SEMA5A: variants seen among roughly 807,000 people sequenced by gnomAD.
The protein encoded by SEMA5A is semaphorin 5A, also known as semaphorin-5A.
A neutral mutation model predicts 135.5 loss-of-function variants in SEMA5A; 55 were observed. The ratio of observed to expected loss-of-function variants is 0.41; its 90% CI spans 0.33 to 0.51. The LOEUF is 0.51. Among genes scored for constraint, SEMA5A ranks in the 20% least tolerant of loss-of-function variants. The pLI is 0.37. For synonymous variants in SEMA5A, 580 were observed against 546.5 expected (o/e 1.06, Z -0.85); for missense variants, 1,290 against 1,419.9 (o/e 0.91, Z 1.47).
chr5:9,090,076 A>T (rs554378064), intron 16 of SEMA5A, among the ~76,000 whole-genome samples: 1 of 152,320 alleles, frequency 6.6e-6, no homozygotes, highest in African/African-American at 2.4e-5. Flanking sequence ...ACTCTGTACA[A>T]GATTGTACAG....
At chr5:9,099,475 T>C (rs367745759) in intron 16 of SEMA5A, among the ~76,000 whole-genome samples, 12 of 152,270 alleles carry the variant, frequency 7.9e-5, no homozygotes, top group East Asian at 5.8e-4. Context: ...TTGGGAAATA[T>C]AAGTGAATGG....
chr5:9,090,865 T>G (rs171692), intron 16 of SEMA5A, among the ~76,000 whole-genome samples: 6,205 of 152,288 alleles, frequency 0.041, 453 homozygotes, highest in African/African-American at 0.14. Context: ...CTAAGATAGT[T>G]ACGAGAGCAT....
intron 2 of SEMA5A, among the ~76,000 whole-genome samples, chr5:9,387,656 G>A (rs549135822): frequency 6.6e-6 from 1 of 152,312 alleles, no homozygotes; most frequent in African/African-American, 2.4e-5. Flanking sequence ...CTCTTTTCTT[G>A]CTGTTGTATC....
intron 5 of SEMA5A, among the ~76,000 whole-genome samples, chr5:9,269,055 A>G (rs1342308106): frequency 3.3e-5 from 5 of 152,156 alleles, no homozygotes. Flanking sequence ...AGGCTGATAG[A>G]AATGCATCCC....
chr5:9,441,878 T>G (rs1758250162), intron 1 of SEMA5A, among the ~76,000 whole-genome samples: 1 of 151,926 alleles, frequency 6.6e-6, no homozygotes, highest in African/African-American at 2.4e-5. Flanking sequence ...GTAGGGAATG[T>G]TAACATGAGA....
intron 16 of SEMA5A, among the ~76,000 whole-genome samples, chr5:9,096,300 C>T (rs1422908923): frequency 1.3e-5 from 2 of 152,124 alleles, no homozygotes; most frequent in African/African-American, 4.8e-5. Context: ...GTTCATTCTA[C>T]ATATTTGCTA....
chr5:9,098,547 C>A (rs1290271869), intron 16 of SEMA5A, among the ~76,000 whole-genome samples: 1 of 152,122 alleles, frequency 6.6e-6, no homozygotes, highest in Non-Finnish European at 1.5e-5. Context: ...AAATAAACTT[C>A]TATTAAGACT....
intron 1 of SEMA5A, among the ~76,000 whole-genome samples, chr5:9,531,758 C>A (rs974483095): frequency 2.6e-5 from 4 of 152,184 alleles, no homozygotes; most frequent in African/African-American, 7.2e-5. Context: ...TACACACTGT[C>A]TTCCCAGGGC....
chr5:9,108,329 C>T lies in SEMA5A; in HGVS notation c.1926-42G>A, dbSNP rs779893485. The T allele has an allele frequency of 1.0e-5, 16 of 1,602,616 alleles. No homozygotes were observed. In the African/African-American group the frequency reaches 1.9e-4, roughly 19 times the overall value. On this transcript the variant is annotated intron_variant, in intron 15 of 22. Transcript: ENST00000382496. ...AAAATGACAAGGAAACTAATTAGTG[C>T]CACTTGAAACCACTGACGTTTCCAT...
chr5:9,281,322 C>G (rs1423555328), intron 5 of SEMA5A, among the ~76,000 whole-genome samples: 3 of 152,160 alleles, frequency 2.0e-5, no homozygotes, highest in Non-Finnish European at 4.4e-5. Context: ...AAAATGTTTT[C>G]CCTATAATTT....
chr5:9,440,648 G>T (rs1328072647), intron 1 of SEMA5A, among the ~76,000 whole-genome samples: 2 of 152,178 alleles, frequency 1.3e-5, no homozygotes, highest in Non-Finnish European at 2.9e-5. Flanking sequence ...TCTTCAAATT[G>T]TCTCTAGATG....
At chr5:9,278,079 G>T (rs998331729) in intron 5 of SEMA5A, among the ~76,000 whole-genome samples, 1 of 150,296 alleles carries the variant, frequency 6.7e-6, no homozygotes, top group Admixed American at 6.6e-5. Flanking sequence ...AAAATCAGCC[G>T]TATTTACTAA....
chr5:9,108,084 G>A, intron 16 of SEMA5A, 56 bp downstream of exon 16: 1 of 1,579,728 alleles, frequency 6.3e-7, no homozygotes, highest in Non-Finnish European at 8.6e-7. Flanking sequence ...TGTGTGTATT[G>A]AGTCTGTATT....
At position 9,044,543 on chromosome 5, in the gene SEMA5A, A is replaced by C; in HGVS notation, c.2935T>G (p.Ser979Ala). 2 of 1,614,022 alleles carry C rather than the reference A, an allele frequency of 1.2e-6. No homozygotes were observed. Among genetic ancestry groups the C allele is most frequent in the Non-Finnish European group, 1.7e-6 (2 of 1,180,018 alleles). The change falls in exon 22 of 23, where the codon TCC becomes GCC. Residue 979 changes from serine to alanine, a missense_variant. Physicochemically the swap from Ser to Ala is moderately conservative, Grantham distance 99. Coordinates refer to ENST00000382496, the MANE Select transcript of SEMA5A (RefSeq NM_003966.3). The part of the protein sequence containing the change: ...FHMIAVGLSS[S>A]ILGCLLTLLV... ...AGGGTGAGGAGGCAGCCGAGGATGGAGCTGCTCAGCCCCACGGCGATCATG... is the reference window on the plus strand; with the variant it reads ...AGGGTGAGGAGGCAGCCGAGGATGGCGCTGCTCAGCCCCACGGCGATCATG...
chr5:9,053,936 A>T, intron 19 of SEMA5A, 151 bp downstream of exon 19: 1 of 771,402 alleles, frequency 1.3e-6, no homozygotes, highest in Non-Finnish European at 2.0e-6. Context: ...GCTATGTTTT[A>T]AAGTCACTTC....
At chr5:9,338,255 C>T (rs1344157211) in intron 3 of SEMA5A, among the ~76,000 whole-genome samples, 2 of 152,176 alleles carry the variant, frequency 1.3e-5, no homozygotes, top group East Asian at 1.9e-4. Context: ...GCATCATTTG[C>T]CTTCTTTCAA....
At chr5:9,133,386 C>G (rs1741545680) in intron 13 of SEMA5A, among the ~76,000 whole-genome samples, 1 of 152,080 alleles carries the variant, frequency 6.6e-6, no homozygotes, top group South Asian at 2.1e-4. Flanking sequence ...GTGTTTTGTG[C>G]AAAATGACAT....
chr5:9,431,827 G>A (rs1757866321), intron 2 of SEMA5A, among the ~76,000 whole-genome samples: 1 of 152,150 alleles, frequency 6.6e-6, no homozygotes, highest in African/African-American at 2.4e-5. Context: ...GGGTGTCTGA[G>A]AATAAACAGC....
At chr5:9,287,874 A>G (rs557692018) in intron 5 of SEMA5A, among the ~76,000 whole-genome samples, 1 of 151,686 alleles carries the variant, frequency 6.6e-6, no homozygotes, top group South Asian at 2.1e-4. Flanking sequence ...ATTTCCCTCA[A>G]GCCCTAATTT....
Sources: allele counts gnomAD v4.1 joint callset (sites outside exome capture counted in the v4.1 genomes callset), GRCh38; gene constraint gnomAD v4.1.1; transcripts MANE v1.5; gene names NCBI Gene and HGNC (gene_info 2026-07-23, HGNC 2026-07-21).